Variants in KCNT2 observed in about 807,000 individuals in gnomAD.
The protein encoded by KCNT2 is potassium channel subfamily T member 2.
Under a neutral mutation model 153.8 loss-of-function variants are expected in KCNT2, and 67 were observed. That is an observed-to-expected ratio of 0.44 (90% CI 0.36 to 0.53). KCNT2 has a LOEUF of 0.53. Among genes scored for constraint, KCNT2 ranks in the 20% least tolerant of loss-of-function variants. The pLI, the probability that KCNT2 is intolerant of heterozygous loss-of-function variation, is 0.00. For missense variants in KCNT2, 975 were observed against 1,354.8 expected, an observed-to-expected ratio of 0.72 and a Z score of 4.40; for synonymous variants, 500 against 458.8, an observed-to-expected ratio of 1.09 and a Z score of -1.15.
At chr1:196,277,832 G>A (rs114865984) in intron 25 of KCNT2, among the ~76,000 whole-genome samples, 7,439 of 151,676 alleles carry the variant, frequency 0.049, 283 homozygotes, top group Non-Finnish European at 0.072. Flanking sequence ...CTTATTCTGC[G>A]TTTTTATATA....
At chr1:196,401,966 C>G (rs990258223) in intron 12 of KCNT2, among the ~76,000 whole-genome samples, 3 of 151,310 alleles carry the variant, frequency 2.0e-5, no homozygotes, top group Non-Finnish European at 3.0e-5. Context: ...TGGCCAAGGA[C>G]TCTCATCAAA....
intron 1 of KCNT2, among the ~76,000 whole-genome samples, chr1:196,595,457 T>C (rs1663936107): frequency 6.6e-6 from 1 of 152,062 alleles, no homozygotes; most frequent in Non-Finnish European, 1.5e-5. Context: ...ATATAAACAG[T>C]CATCCCTTGG....
At chr1:196,588,102 C>T (rs1662906853) in intron 1 of KCNT2, among the ~76,000 whole-genome samples, 1 of 151,990 alleles carries the variant, frequency 6.6e-6, no homozygotes, top group Non-Finnish European at 1.5e-5. Context: ...TTAACCTGAA[C>T]TGCTATTTCA....
intron 1 of KCNT2, among the ~76,000 whole-genome samples, chr1:196,512,791 A>G (rs1681740944): frequency 6.6e-6 from 1 of 152,040 alleles, no homozygotes; most frequent in South Asian, 2.1e-4. Context: ...CCCAAACTGA[A>G]CTCCATCCAT....
chr1:196,260,140 C>A (rs1464489355), intron 25 of KCNT2, among the ~76,000 whole-genome samples: 3 of 151,762 alleles, frequency 2.0e-5, no homozygotes, highest in Non-Finnish European at 3.0e-5. Flanking sequence ...TTGAAGTGAT[C>A]TTTTTGTTCC....
At chr1:196,509,268 A>G (rs1006470355) in intron 1 of KCNT2, among the ~76,000 whole-genome samples, 2 of 138,048 alleles carry the variant, frequency 1.4e-5, no homozygotes, top group Non-Finnish European at 1.6e-5. Context: ...CGAAACTCCG[A>G]AAAAAAAAAA....
At chr1:196,287,641 T>C (rs1659790589) in intron 22 of KCNT2, among the ~76,000 whole-genome samples, 1 of 152,088 alleles carries the variant, frequency 6.6e-6, no homozygotes, top group Non-Finnish European at 1.5e-5. Context: ...TTAAAATTAA[T>C]TCCATTCACT....
chr1:196,477,208 G>C (rs1181942778), intron 5 of KCNT2, among the ~76,000 whole-genome samples: 1 of 151,866 alleles, frequency 6.6e-6, no homozygotes, highest in Non-Finnish European at 1.5e-5. Flanking sequence ...CCTGAAAAAA[G>C]GGTGAGTTTG....
At chr1:196,243,538 T>C (rs948397223) in intron 26 of KCNT2, among the ~76,000 whole-genome samples, 3 of 152,196 alleles carry the variant, frequency 2.0e-5, no homozygotes, top group Non-Finnish European at 4.4e-5. Context: ...ACTCGGGGAA[T>C]GGAGAACACA....
intron 1 of KCNT2, among the ~76,000 whole-genome samples, chr1:196,503,687 G>T (rs1680882873): frequency 6.6e-6 from 1 of 152,190 alleles, no homozygotes; most frequent in South Asian, 2.1e-4. Context: ...AGGTCTCAAA[G>T]AGTTGGGCTA....
chr1:196,471,572 G>A (rs980656695), intron 5 of KCNT2, among the ~76,000 whole-genome samples: 8 of 152,036 alleles, frequency 5.3e-5, no homozygotes, highest in Admixed American at 1.3e-4. Context: ...TCCACAAGAA[G>A]AGATTGATCT....
chr1:196,559,092 G>A (rs2335906), intron 1 of KCNT2, among the ~76,000 whole-genome samples: 127,191 of 151,264 alleles, frequency 0.84, 57,625 homozygotes, highest in Non-Finnish European at 1. Context: ...ATAGTCCTAT[G>A]TTGATCTCAT....
intron 13 of KCNT2, among the ~76,000 whole-genome samples, chr1:196,387,287 A>G (rs57375190): frequency 0.045 from 6,888 of 151,946 alleles, 523 homozygotes; most frequent in African/African-American, 0.16. Context: ...AAGTGTTTTC[A>G]GTTCCTGTTA....
chr1:196,477,647 CAT>C (rs1229133370), intron 5 of KCNT2, among the ~76,000 whole-genome samples: 3 of 152,038 alleles, frequency 2.0e-5, no homozygotes, highest in Non-Finnish European at 4.4e-5. Context: ...TCCCCAAAAA[CAT>C]AACCTTGAGT....
At chr1:196,312,016 T>C (rs1662230457) in intron 21 of KCNT2, among the ~76,000 whole-genome samples, 1 of 151,860 alleles carries the variant, frequency 6.6e-6, no homozygotes, top group South Asian at 2.1e-4. Context: ...GTAATGATTG[T>C]CTTGTTAGCT....
intron 27 of KCNT2, among the ~76,000 whole-genome samples, chr1:196,229,614 T>C (rs946879618): frequency 9.9e-5 from 15 of 152,068 alleles, no homozygotes; most frequent in African/African-American, 3.6e-4. Context: ...CATCAAAAGC[T>C]TACATAAGTT....
chr1:196,558,318 A>G (rs1421318549), intron 1 of KCNT2, among the ~76,000 whole-genome samples: 2 of 151,464 alleles, frequency 1.3e-5, no homozygotes, highest in East Asian at 3.9e-4. Context: ...CTACATCATT[A>G]ATAAGGTCAT....
rs953621564 is a variant in KCNT2, at chr1:196,394,315, A to G, written c.1294+4248T>C. Among the ~76,000 whole-genome samples, 27 of 151,478 alleles carry G rather than the reference A, an allele frequency of 1.8e-4. No homozygotes were observed. In the Middle Eastern group the frequency reaches 0.017, roughly 95 times the overall value. ...AATACCCAGAAAAAGATGAAAAGGGACTCTTTTGAAATAGCCTAAAGTGAG... is the reference window on the plus strand; with the variant it reads ...AATACCCAGAAAAAGATGAAAAGGGGCTCTTTTGAAATAGCCTAAAGTGAG... On this transcript the variant is annotated intron_variant, in intron 13 of 27. Coordinates refer to ENST00000294725, the MANE Select transcript of KCNT2 (RefSeq NM_198503.5).
At chr1:196,245,220 G>A (rs1465947358) in intron 26 of KCNT2, among the ~76,000 whole-genome samples, 1 of 152,110 alleles carries the variant, frequency 6.6e-6, no homozygotes, top group Non-Finnish European at 1.5e-5. Context: ...GCAGGTTGTG[G>A]TGGCTCATGC....
Sources: gnomAD v4.1 joint callset for allele counts (sites outside exome capture counted in the v4.1 genomes callset) on GRCh38, gnomAD v4.1.1 for gene constraint, MANE v1.5 for transcripts, NCBI Gene and HGNC (gene_info 2026-07-23, HGNC 2026-07-21) for gene names.